PTPRG: variants seen among roughly 807,000 people sequenced by gnomAD.
The protein encoded by PTPRG is receptor-type tyrosine-protein phosphatase gamma.
In PTPRG, 102 loss-of-function variants were observed where a neutral mutation model predicts 165.3. The ratio of observed to expected loss-of-function variants is 0.62; its 90% CI spans 0.53 to 0.73. The LOEUF is 0.73. Ranked by LOEUF, PTPRG falls within the 30% of genes least tolerant of loss-of-function variation. PTPRG has a pLI of 0.00. For synonymous variants in PTPRG, 675 were observed against 669.5 expected (o/e 1.01, Z -0.13); for missense variants, 1,866 against 1,861.4 (o/e 1.00, Z -0.05).
intron 1 of PTPRG, among the ~76,000 whole-genome samples, chr3:61,699,092 G>A (rs2030791328): frequency 1.3e-5 from 2 of 152,030 alleles, no homozygotes; most frequent in Admixed American, 1.3e-4. Flanking sequence ...AATGGGTGCA[G>A]CACAGCAACA....
At chr3:61,658,030 A>G (rs1702556665) in intron 1 of PTPRG, among the ~76,000 whole-genome samples, 1 of 152,112 alleles carries the variant, frequency 6.6e-6, no homozygotes, top group Admixed American at 6.5e-5. Context: ...GGACAGACAC[A>G]CTCCATGAAA....
intron 2 of PTPRG, among the ~76,000 whole-genome samples, chr3:61,792,895 A>T (rs1252018551): frequency 1.3e-5 from 2 of 151,896 alleles, no homozygotes; most frequent in Non-Finnish European, 1.5e-5. Context: ...CGCCTGGCTA[A>T]CTTTTTGTAT....
chr3:61,600,938 A>G (rs1231840299), intron 1 of PTPRG, among the ~76,000 whole-genome samples: 1 of 152,220 alleles, frequency 6.6e-6, no homozygotes, highest in Non-Finnish European at 1.5e-5. Context: ...TCAAATCTCA[A>G]TGTATAAAAC....
chr3:61,584,464 T>C (rs1290148395), intron 1 of PTPRG, among the ~76,000 whole-genome samples: 1 of 152,228 alleles, frequency 6.6e-6, no homozygotes, highest in African/African-American at 2.4e-5. Context: ...TCTGGCATTA[T>C]TGGACAGCAA....
chr3:61,834,229 TG>T (rs1432850163), intron 2 of PTPRG, among the ~76,000 whole-genome samples: 2 of 152,234 alleles, frequency 1.3e-5, no homozygotes, highest in Admixed American at 1.3e-4. Context: ...AACTGTTAGA[TG>T]GAGCTTTGAT....
intron 14 of PTPRG, among the ~76,000 whole-genome samples, chr3:62,232,882 A>G (rs1188622692): frequency 6.6e-6 from 1 of 152,210 alleles, no homozygotes; most frequent in African/African-American, 2.4e-5. Flanking sequence ...GTAGCAGCTT[A>G]AAAGACAGAC....
intron 2 of PTPRG, among the ~76,000 whole-genome samples, chr3:61,911,320 CA>C (rs2038798258): frequency 6.6e-6 from 1 of 152,188 alleles, no homozygotes; most frequent in African/African-American, 2.4e-5. Context: ...GCACCAGAGA[CA>C]TAGAAGTCCA....
At chr3:62,184,425 C>A (rs770033938) in intron 8 of PTPRG, among the ~76,000 whole-genome samples, 37 of 152,294 alleles carry the variant, frequency 2.4e-4, no homozygotes, top group Non-Finnish European at 4.3e-4. Context: ...TCTGTGTTTA[C>A]CTAGACCTCT....
At chr3:61,729,065 A>AAAC (rs1553656321) in intron 1 of PTPRG, among the ~76,000 whole-genome samples, 42,400 of 151,582 alleles carry the variant, frequency 0.28, 6,702 homozygotes, top group East Asian at 0.73. Context: ...CTGTCTCAAA[A>AAAC]AAACAAACAA....
At chr3:62,137,851 T>G (rs925865661) in intron 6 of PTPRG, among the ~76,000 whole-genome samples, 1 of 152,210 alleles carries the variant, frequency 6.6e-6, no homozygotes, top group African/African-American at 2.4e-5. Flanking sequence ...TTTAAAAAAA[T>G]TTTTGCTCAA....
intron 2 of PTPRG, among the ~76,000 whole-genome samples, chr3:61,839,290 TAG>T (rs1321093027): frequency 6.6e-6 from 1 of 152,216 alleles, no homozygotes; most frequent in Non-Finnish European, 1.5e-5. Flanking sequence ...TTCGGTAGAT[TAG>T]AGTTTGGCCT....
intron 2 of PTPRG, among the ~76,000 whole-genome samples, chr3:61,801,905 G>T (rs1350328731): frequency 1.3e-5 from 2 of 151,882 alleles, no homozygotes. Context: ...TGCGCCTGTA[G>T]TCCCAGCTAC....
At chr3:61,730,514 T>C (rs1412497029) in intron 1 of PTPRG, among the ~76,000 whole-genome samples, 1 of 152,188 alleles carries the variant, frequency 6.6e-6, no homozygotes, top group Non-Finnish European at 1.5e-5. Context: ...GCTCAGAAAG[T>C]AGTTTGTTAA....
intron 1 of PTPRG, among the ~76,000 whole-genome samples, chr3:61,564,746 G>T (rs970734031): frequency 1.3e-5 from 2 of 152,192 alleles, no homozygotes; most frequent in African/African-American, 4.8e-5. Context: ...CACTGGTGGG[G>T]CTCCTGCCAC....
intron 1 of PTPRG, among the ~76,000 whole-genome samples, chr3:61,661,568 A>G (rs1702669499): frequency 6.6e-6 from 1 of 152,234 alleles, no homozygotes; most frequent in Admixed American, 6.5e-5. Flanking sequence ...ATCATGCTAT[A>G]AATACCAAAA....
At chr3:61,676,062 T>C (rs1438762072) in intron 1 of PTPRG, among the ~76,000 whole-genome samples, 3 of 152,192 alleles carry the variant, frequency 2.0e-5, no homozygotes, top group Non-Finnish European at 4.4e-5. Context: ...TTATTTATTT[T>C]TCACTACCCA....
chr3:61,913,630 A>T (rs1254999368), intron 2 of PTPRG, among the ~76,000 whole-genome samples: 3 of 152,116 alleles, frequency 2.0e-5, no homozygotes, highest in South Asian at 4.1e-4. Context: ...TCTAGATCTT[A>T]TATTTCTGTA....
In PTPRG at chr3:62,213,347, T is replaced by C. The variant is rs555501066; in HGVS notation, c.2156-5504T>C. 1.3e-5 allele frequency among the ~76,000 whole-genome samples: 2 copies of C among 152,316 alleles called. No individual in the cohort carries two copies. The highest frequency in any genetic ancestry group is 6.5e-5 in the Admixed American group (1 of 15,296). Reference sequence around the variant, plus strand: ...GCCCTGTGCTCAGAAGGGCCTATGCTTGCTTTCATACTGTCTCATACTCTA... The same window carrying C: ...GCCCTGTGCTCAGAAGGGCCTATGCCTGCTTTCATACTGTCTCATACTCTA... On this transcript the variant is annotated intron_variant, in intron 12 of 29. Transcript: ENST00000474889. The surrounding 1 kb of genome is among the most constrained non-coding windows in gnomAD (Gnocchi z 4.4).
intron 5 of PTPRG, among the ~76,000 whole-genome samples, chr3:62,131,875 A>G (rs1470152714): frequency 1.3e-5 from 2 of 152,196 alleles, no homozygotes; most frequent in African/African-American, 2.4e-5. Flanking sequence ...ATATCTCTGT[A>G]TGTCTAAAAG....
Sources: gnomAD v4.1 joint callset for allele counts (sites outside exome capture counted in the v4.1 genomes callset) on GRCh38, gnomAD v4.1.1 for gene constraint, Gnocchi (gnomAD v3.1) non-coding constraint, MANE v1.5 for transcripts, NCBI Gene and HGNC (gene_info 2026-07-23, HGNC 2026-07-21) for gene names.